MTUS2: variants seen among roughly 807,000 people sequenced by gnomAD.
MTUS2 encodes microtubule associated scaffold protein 2, also known as microtubule-associated tumor suppressor candidate 2.
MTUS2 carries 40 observed loss-of-function variants against 114.1 expected under a neutral mutation model. The ratio of observed to expected loss-of-function variants is 0.35; its 90% CI spans 0.27 to 0.46. The LOEUF (loss-of-function observed/expected upper bound fraction) is 0.46, where lower values mean the gene tolerates loss of function less well. MTUS2 is among the 20% of genes least tolerant of loss of function. The pLI, the probability that MTUS2 is intolerant of heterozygous loss-of-function variation, is 1.00. For missense variants in MTUS2, 1,679 were observed against 1,705.4 expected, an observed-to-expected ratio of 0.98 and a Z score of 0.27; for synonymous variants, 688 against 672.0, an observed-to-expected ratio of 1.02 and a Z score of -0.37.
intron 6 of MTUS2, among the ~76,000 whole-genome samples, chr13:29,301,164 C>T (rs190685900): frequency 5.1e-4 from 78 of 152,346 alleles, no homozygotes; most frequent in Non-Finnish European, 2.1e-4. Flanking sequence ...GCTTGCCCCC[C>T]ACCCCGAACT....
chr13:29,382,531 G>C (rs923858798), intron 8 of MTUS2, among the ~76,000 whole-genome samples: 1 of 152,216 alleles, frequency 6.6e-6, no homozygotes, highest in Non-Finnish European at 1.5e-5. Context: ...TGGCCCAAAA[G>C]AGTGGAATCC....
intron 2 of MTUS2, among the ~76,000 whole-genome samples, chr13:28,898,025 A>G (rs1015822476): frequency 6.6e-6 from 1 of 152,156 alleles, no homozygotes; most frequent in African/African-American, 2.4e-5. Flanking sequence ...CATTGTGCAC[A>G]TGGACCCTAA....
In MTUS2 at chr13:29,343,729, G is replaced by A. The variant is rs1469841367; in HGVS notation, c.2906-15533G>A. Among the ~76,000 whole-genome samples the A allele has an allele frequency of 2.0e-5, 3 of 151,786 alleles. No homozygotes were observed. The East Asian group carries it at 5.8e-4, about 29-fold the overall frequency. On this transcript the variant is annotated intron_variant, in intron 7 of 15. Coordinates refer to ENST00000612955, the MANE Select transcript of MTUS2 (RefSeq NM_001033602.4). ...TTGTTTTGTTTCTCTAGTTTCTCGAGGTATGACCTTAGATTGTCTGTTTGT... is the reference window on the plus strand; with the variant it reads ...TTGTTTTGTTTCTCTAGTTTCTCGAAGTATGACCTTAGATTGTCTGTTTGT...
chr13:29,323,945 G>A (rs1313707886), intron 6 of MTUS2, among the ~76,000 whole-genome samples: 2 of 152,194 alleles, frequency 1.3e-5, no homozygotes, highest in African/African-American at 2.4e-5. Context: ...TCTGACAAAC[G>A]TGACGTGAAG....
intron 5 of MTUS2, among the ~76,000 whole-genome samples, chr13:29,272,062 A>G (rs900666715): frequency 6.6e-6 from 1 of 152,220 alleles, no homozygotes; most frequent in Admixed American, 6.5e-5. Flanking sequence ...CATTTTGAAA[A>G]AGAAATAAAT....
chr13:29,041,463 G>GTTTT (rs1887354309), intron 4 of MTUS2, among the ~76,000 whole-genome samples: 1 of 151,902 alleles, frequency 6.6e-6, no homozygotes, highest in Admixed American at 6.6e-5. Flanking sequence ...TTTTAGAATT[G>GTTTT]TTCTAGTTCT....
chr13:28,842,002 T>G (rs960426925), intron 2 of MTUS2, among the ~76,000 whole-genome samples: 5 of 152,216 alleles, frequency 3.3e-5, no homozygotes, highest in Non-Finnish European at 7.3e-5. Flanking sequence ...GTTTTCTTAT[T>G]GTATCATTTA....
At chr13:29,383,250 G>GTATATATATATATATTTATTTA (rs763660299) in intron 8 of MTUS2, among the ~76,000 whole-genome samples, 1 of 64,390 alleles carries the variant, frequency 1.6e-5, no homozygotes, top group Non-Finnish European at 4.5e-5. Context: ...GTGTGTGTGT[G>GTATATATATATATATTTATTTA]TGTATTTATT....
chr13:29,313,914 TG>T, intron 6 of MTUS2, among the ~76,000 whole-genome samples: 1 of 152,254 alleles, frequency 6.6e-6, no homozygotes, highest in African/African-American at 2.4e-5. Flanking sequence ...TTAGCATTTC[TG>T]GGGGAAATGA....
chr13:28,941,205 C>G lies in MTUS2; in HGVS notation c.-242-83252C>G, dbSNP rs183067249. On this transcript the variant is annotated intron_variant, in intron 2 of 15. Coordinates refer to ENST00000612955, the MANE Select transcript of MTUS2 (RefSeq NM_001033602.4). ...CACTCTTAAGCATTTTTGAGGACTA[C>G]AAAGATCTTTTGTTTATGTGGGTTA... Among the ~76,000 whole-genome samples the G allele has an allele frequency of 1.0e-3, 157 of 152,122 alleles. 1 individual carries two copies. Among genetic ancestry groups the G allele is most frequent in the Non-Finnish European group, 1.5e-4 (10 of 67,958 alleles).
chr13:29,137,426 T>A (rs147864598), intron 5 of MTUS2, among the ~76,000 whole-genome samples: 133 of 152,204 alleles, frequency 8.7e-4, no homozygotes, highest in African/African-American at 3.0e-3. Flanking sequence ...CCATTATTTC[T>A]TCATATATTC....
At chr13:29,080,309 C>A (rs1446916858) in intron 4 of MTUS2, among the ~76,000 whole-genome samples, 1 of 152,030 alleles carries the variant, frequency 6.6e-6, no homozygotes, top group African/African-American at 2.4e-5. Context: ...AGGAAAAAAA[C>A]CCCAAACTAC....
At chr13:29,300,760 A>G (rs1159457621) in intron 6 of MTUS2, among the ~76,000 whole-genome samples, 11 of 152,192 alleles carry the variant, frequency 7.2e-5, no homozygotes. Flanking sequence ...ACGCAAGAAT[A>G]AGAAGGAAAT....
At chr13:29,312,666 G>A (rs1899821229) in intron 6 of MTUS2, among the ~76,000 whole-genome samples, 1 of 152,202 alleles carries the variant, frequency 6.6e-6, no homozygotes, top group Non-Finnish European at 1.5e-5. Context: ...ACATCTACCT[G>A]TGTAGCTTTA....
chr13:29,376,039 ATGTGTG>A (rs71090249), intron 8 of MTUS2, among the ~76,000 whole-genome samples: 2 of 126,504 alleles, frequency 1.6e-5, no homozygotes, highest in African/African-American at 6.0e-5. Context: ...ATATATATAT[ATGTGTG>A]TGTGTGTGTG....
At chr13:28,996,540 G>C (rs1885116203) in intron 2 of MTUS2, among the ~76,000 whole-genome samples, 1 of 151,984 alleles carries the variant, frequency 6.6e-6, no homozygotes, top group Non-Finnish European at 1.5e-5. Context: ...GACTTTTTTT[G>C]GTTGGTAAGC....
intron 8 of MTUS2, among the ~76,000 whole-genome samples, chr13:29,410,981 G>C (rs968066825): frequency 2.0e-5 from 3 of 152,234 alleles, no homozygotes; most frequent in Admixed American, 2.0e-4. Flanking sequence ...ACAGGCACAT[G>C]CCACCACACC....
rs985300224 is a variant in MTUS2, at chr13:29,480,797, A to G, written c.3399+433A>G. ...TTTTTGCTTTTCTACCTTATTTATC[A>G]TCTTTCTATTCCATGAGGGCAGAGA... On this transcript the variant is annotated intron_variant, in intron 10 of 15. Coordinates refer to ENST00000612955, the MANE Select transcript of MTUS2 (RefSeq NM_001033602.4). This position sits in a 1 kb window ranked among gnomAD's most constrained non-coding sequence, Gnocchi z 4.4. 1.3e-5 allele frequency among the ~76,000 whole-genome samples: 2 copies of G among 151,888 alleles called. No individual in the cohort carries two copies. Among genetic ancestry groups the G allele is most frequent in the African/African-American group, 4.8e-5 (2 of 41,300 alleles).
At chr13:29,335,794 G>A (rs991662450) in intron 7 of MTUS2, among the ~76,000 whole-genome samples, 9 of 152,154 alleles carry the variant, frequency 5.9e-5, no homozygotes, top group African/African-American at 2.2e-4. Flanking sequence ...TTCCAACTTG[G>A]TTCCTTTCTC....
Sources: allele counts gnomAD v4.1 joint callset (sites outside exome capture counted in the v4.1 genomes callset), GRCh38; gene constraint gnomAD v4.1.1; non-coding constraint Gnocchi (gnomAD v3.1); transcripts MANE v1.5; gene names NCBI Gene and HGNC (gene_info 2026-07-23, HGNC 2026-07-21).